TNPO1: variants seen among roughly 807,000 people sequenced by gnomAD.
TNPO1 encodes the protein transportin-1.
Under a neutral mutation model 119.5 loss-of-function variants are expected in TNPO1, and 8 were observed. The observed-to-expected ratio is 0.07, with a 90% CI of 0.04 to 0.12. The LOEUF is 0.12. Ranked by LOEUF, TNPO1 falls within the 10% of genes least tolerant of loss-of-function variation. TNPO1 has a pLI of 1.00. For synonymous variants in TNPO1, 362 were observed against 363.0 expected, an observed-to-expected ratio of 1.00 and a Z score of 0.03; for missense variants, 576 against 1,089.8, an observed-to-expected ratio of 0.53 and a Z score of 6.64.
intron 1 of TNPO1, among the ~76,000 whole-genome samples, chr5:72,845,416 TG>T (rs997378937): frequency 1.3e-5 from 2 of 152,238 alleles, no homozygotes; most frequent in Non-Finnish European, 2.9e-5. Context: ...CTGCAATGTC[TG>T]GCTACCCCAG....
chr5:72,876,241 A>G (rs1163640144), intron 8 of TNPO1, among the ~76,000 whole-genome samples: 2 of 152,202 alleles, frequency 1.3e-5, no homozygotes, highest in African/African-American at 4.8e-5. Context: ...CTCAGTAGCA[A>G]AAGAGTAGGA....
chr5:72,893,582 C>T, intron 17 of TNPO1, 34 bp from the exon 18 acceptor site: 1 of 1,614,112 alleles, frequency 6.2e-7, no homozygotes, highest in East Asian at 2.2e-5. Context: ...TTCTCTGTGT[C>T]ACATTGGGGT....
At chr5:72,847,186 A>G (rs1421230497) in intron 1 of TNPO1, among the ~76,000 whole-genome samples, 2 of 152,208 alleles carry the variant, frequency 1.3e-5, no homozygotes, top group Non-Finnish European at 2.9e-5. Flanking sequence ...AAAAAGAAAG[A>G]AAAAGCTAAC....
intron 20 of TNPO1, among the ~76,000 whole-genome samples, chr5:72,898,295 A>G (rs1415039339): frequency 6.6e-6 from 1 of 152,146 alleles, no homozygotes; most frequent in Non-Finnish European, 1.5e-5. Flanking sequence ...TGTTGAGTGT[A>G]ATGTATATGA....
chr5:72,853,787 C>T (rs1308918094), intron 3 of TNPO1, among the ~76,000 whole-genome samples: 1 of 151,886 alleles, frequency 6.6e-6, no homozygotes, highest in Non-Finnish European at 1.5e-5. Flanking sequence ...AATGAAAATG[C>T]TTATGTAGTA....
At chr5:72,893,741 A>G (rs1431621961) in intron 18 of TNPO1, 38 bp downstream of exon 18, 1 of 1,558,976 alleles carries the variant, frequency 6.4e-7, no homozygotes, top group Non-Finnish European at 8.8e-7. Flanking sequence ...ATGGTTTTTT[A>G]AAGTTAACAT....
intron 9 of TNPO1, among the ~76,000 whole-genome samples, chr5:72,881,139 C>G (rs1050254177): frequency 6.6e-6 from 1 of 151,828 alleles, no homozygotes; most frequent in African/African-American, 2.4e-5. Flanking sequence ...GAGATGGAGT[C>G]GCACTCTGTT....
intron 1 of TNPO1, among the ~76,000 whole-genome samples, chr5:72,818,518 T>C (rs1052363469): frequency 5.9e-5 from 9 of 152,232 alleles, no homozygotes; most frequent in Non-Finnish European, 1.0e-4. Flanking sequence ...TTTAACCATG[T>C]TGGATTCTGC....
At chr5:72,898,500 GC>G (rs1192147796) in intron 20 of TNPO1, among the ~76,000 whole-genome samples, 2 of 152,020 alleles carry the variant, frequency 1.3e-5, no homozygotes, top group Admixed American at 6.5e-5. Flanking sequence ...ATCACAAGTG[GC>G]TGCATAAAGT....
At chr5:72,848,146 C>T (rs1235124982) in intron 1 of TNPO1, 1 of 1,208,912 alleles carries the variant, frequency 8.3e-7, no homozygotes, top group South Asian at 2.4e-5. Flanking sequence ...GCTCCTTGCG[C>T]TCGGCGGCCG....
chr5:72,876,036 A>G (rs1747738977), intron 8 of TNPO1, among the ~76,000 whole-genome samples: 1 of 152,192 alleles, frequency 6.6e-6, no homozygotes, highest in African/African-American at 2.4e-5. Flanking sequence ...TTAAAAGGCT[A>G]GCATTCGTGG....
intron 6 of TNPO1, among the ~76,000 whole-genome samples, chr5:72,868,171 G>A (rs531657384): frequency 6.6e-6 from 1 of 151,504 alleles, no homozygotes; most frequent in Non-Finnish European, 1.5e-5. Context: ...GGTGGCTCAC[G>A]CCTGTAATCC....
At chr5:72,819,971 T>G (rs1172674153) in intron 1 of TNPO1, among the ~76,000 whole-genome samples, 1 of 152,226 alleles carries the variant, frequency 6.6e-6, no homozygotes, top group East Asian at 1.9e-4. Flanking sequence ...CAGAAAACTA[T>G]AGAAAACCAT....
intron 1 of TNPO1, among the ~76,000 whole-genome samples, chr5:72,825,320 A>G (rs1428450773): frequency 2.0e-5 from 3 of 152,238 alleles, no homozygotes; most frequent in African/African-American, 7.2e-5. Context: ...TGTCCTCCCA[A>G]ACTGTTGAAA....
Position 72,861,917 on chromosome 5 carries a change from A to G in TNPO1, c.462+3A>G. ...CTGAAGATTATAATACCTGTGAGGT[A>G]AGGATATTTGTTTCATACATAATTG... On this transcript the variant is annotated splice_donor_region_variant and intron_variant, in intron 5 of 24. Transcript: ENST00000337273. 6.2e-7 allele frequency: 1 copy of G among 1,601,826 alleles called. No homozygotes were observed.
At position 72,846,188 on chromosome 5, in the gene TNPO1, A is replaced by G. The variant is rs536272955; in HGVS notation, c.16-2197A>G. 2.6e-4 allele frequency among the ~76,000 whole-genome samples: 39 copies of G among 152,216 alleles called. 1 individual carries two copies. The highest frequency in any genetic ancestry group is 5.9e-4 in the Admixed American group (9 of 15,282). ...CTAATAACCCCACCAGGTTGCCACT[A>G]TTATGTAGGGACATTGGTACAAGAA... On this transcript the variant is annotated intron_variant, in intron 1 of 24. Transcript: ENST00000337273.
chr5:72,836,355 G>A (rs1744694109), intron 1 of TNPO1, among the ~76,000 whole-genome samples: 1 of 152,200 alleles, frequency 6.6e-6, no homozygotes, highest in Non-Finnish European at 1.5e-5. Context: ...CTGTGCACCT[G>A]CAGAGTTAGC....
intron 11 of TNPO1, 25 bp downstream of exon 11, chr5:72,883,257 G>C (rs1269533669): frequency 9.0e-7 from 1 of 1,105,296 alleles, no homozygotes; most frequent in South Asian, 1.3e-5. Context: ...GAAAAGCACA[G>C]TTGCCTACTT....
intron 1 of TNPO1, among the ~76,000 whole-genome samples, chr5:72,828,337 A>T (rs1352886529): frequency 6.6e-6 from 1 of 152,188 alleles, no homozygotes; most frequent in African/African-American, 2.4e-5. Context: ...GTAGTGGAGA[A>T]ATTTAGTTGT....
Sources: allele counts gnomAD v4.1 joint callset (sites outside exome capture counted in the v4.1 genomes callset), GRCh38; gene constraint gnomAD v4.1.1; transcripts MANE v1.5; gene names NCBI Gene and HGNC (gene_info 2026-07-23, HGNC 2026-07-21).